The following ADAMTSL3 variants were observed in gnomAD, a reference collection of about 807,000 sequenced individuals.
ADAMTSL3 encodes ADAMTS-like protein 3.
Under a neutral mutation model 201.7 loss-of-function variants are expected in ADAMTSL3, and 128 were observed. The observed-to-expected ratio is 0.63, with a 90% CI of 0.55 to 0.73. ADAMTSL3 has a LOEUF of 0.73. Ranked by LOEUF, ADAMTSL3 falls within the 30% of genes least tolerant of loss-of-function variation. The pLI, the probability that ADAMTSL3 is intolerant of heterozygous loss-of-function variation, is 0.00. For missense variants in ADAMTSL3, 1,990 were observed against 2,119.6 expected, an observed-to-expected ratio of 0.94 and a Z score of 1.20; for synonymous variants, 738 against 748.4, an observed-to-expected ratio of 0.99 and a Z score of 0.23.
chr15:83,746,908 A>G (rs1002285979), intron 3 of ADAMTSL3, among the ~76,000 whole-genome samples: 3 of 152,232 alleles, frequency 2.0e-5, no homozygotes, highest in Non-Finnish European at 2.9e-5. Flanking sequence ...GATGGAATAA[A>G]TACTTTTCAG....
chr15:83,992,046 G>C (rs770828841), intron 23 of ADAMTSL3, among the ~76,000 whole-genome samples: 1 of 152,096 alleles, frequency 6.6e-6, no homozygotes, highest in East Asian at 1.9e-4. Flanking sequence ...ATGACTTTGC[G>C]TATGCCTTTG....
intron 7 of ADAMTSL3, among the ~76,000 whole-genome samples, chr15:83,852,820 A>G (rs553777329): frequency 9.2e-5 from 14 of 152,064 alleles, no homozygotes; most frequent in Middle Eastern, 3.4e-3. Flanking sequence ...TTATATCTTG[A>G]GAGAGAGAGA....
chr15:83,705,395 C>A (rs557067231), intron 3 of ADAMTSL3, among the ~76,000 whole-genome samples: 22 of 152,222 alleles, frequency 1.4e-4, no homozygotes, highest in African/African-American at 4.8e-4. Context: ...CTCTCCTCAG[C>A]TGTATAGCCA....
chr15:83,790,028 T>C (rs527903471), intron 4 of ADAMTSL3, among the ~76,000 whole-genome samples: 1 of 152,026 alleles, frequency 6.6e-6, no homozygotes, highest in African/African-American at 2.4e-5. Flanking sequence ...TCAAAAGATA[T>C]CCTTAATATG....
chr15:83,664,660 C>T (rs17587205), intron 2 of ADAMTSL3, among the ~76,000 whole-genome samples: 10,504 of 152,212 alleles, frequency 0.069, 572 homozygotes, highest in East Asian at 0.17. Flanking sequence ...GACATGGCAG[C>T]GTGGAGTATG....
At chr15:83,895,439 A>T (rs12914343) in intron 13 of ADAMTSL3, among the ~76,000 whole-genome samples, 1 of 152,078 alleles carries the variant, frequency 6.6e-6, no homozygotes, top group Non-Finnish European at 1.5e-5. Context: ...TGACTTTATC[A>T]TTATGTATAT....
chr15:83,935,313 C>T (rs566482832), intron 17 of ADAMTSL3, among the ~76,000 whole-genome samples: 4 of 152,200 alleles, frequency 2.6e-5, no homozygotes, highest in South Asian at 4.1e-4. Context: ...TGTAGATAAG[C>T]GTCTGTCATT....
At chr15:83,816,466 G>A (rs966763895) in intron 5 of ADAMTSL3, among the ~76,000 whole-genome samples, 2 of 152,156 alleles carry the variant, frequency 1.3e-5, no homozygotes, top group African/African-American at 2.4e-5. Flanking sequence ...AACTTCATTG[G>A]TTTATGTTTA....
At chr15:83,953,750 T>C (rs1000375949) in intron 19 of ADAMTSL3, among the ~76,000 whole-genome samples, 3 of 152,214 alleles carry the variant, frequency 2.0e-5, no homozygotes, top group African/African-American at 7.2e-5. Context: ...CAGCTTTTGT[T>C]TGTCTGGGAA....
intron 17 of ADAMTSL3, among the ~76,000 whole-genome samples, chr15:83,929,631 C>A (rs2066314517): frequency 6.6e-6 from 1 of 151,892 alleles, no homozygotes; most frequent in Non-Finnish European, 1.5e-5. Flanking sequence ...ATATAAATGC[C>A]TTTGTGACCC....
intron 17 of ADAMTSL3, among the ~76,000 whole-genome samples, chr15:83,926,307 A>G (rs1363355797): frequency 2.6e-5 from 4 of 152,178 alleles, no homozygotes; most frequent in African/African-American, 9.6e-5. Flanking sequence ...ATCAGATGAG[A>G]TAGGAATGGG....
intron 2 of ADAMTSL3, among the ~76,000 whole-genome samples, chr15:83,673,609 T>A (rs936736381): frequency 4.6e-5 from 7 of 152,160 alleles, no homozygotes; most frequent in Non-Finnish European, 8.8e-5. Context: ...TGTTAACAGT[T>A]TTTTTTCCAC....
At chr15:83,966,726 A>C (rs902285053) in intron 19 of ADAMTSL3, among the ~76,000 whole-genome samples, 3 of 152,152 alleles carry the variant, frequency 2.0e-5, no homozygotes, top group Admixed American at 6.5e-5. Context: ...AACACAACAA[A>C]AAAAAAGAAA....
intron 23 of ADAMTSL3, among the ~76,000 whole-genome samples, chr15:84,010,813 A>G (rs2067994169): frequency 6.6e-6 from 1 of 152,206 alleles, no homozygotes; most frequent in African/African-American, 2.4e-5. Flanking sequence ...TCAAAAAACA[A>G]GGCACTATAC....
chr15:83,877,178 G>A lies in ADAMTSL3; in HGVS notation c.960+6219G>A, dbSNP rs533281945. ...TGGTCTCAAACTCCTGAGCTCAAGC[G>A]ATTCTCCCACCTTGGTCTCCCAAAG... On this transcript the variant is annotated intron_variant, in intron 9 of 29. Coordinates refer to ENST00000286744, the MANE Select transcript of ADAMTSL3 (RefSeq NM_207517.3). Among the ~76,000 whole-genome samples, 17 of 152,222 alleles carry A rather than the reference G, an allele frequency of 1.1e-4. 1 individual carries two copies. The South Asian group carries it at 3.3e-3, about 30-fold the overall frequency.
At chr15:83,715,909 A>T (rs897169844) in intron 3 of ADAMTSL3, among the ~76,000 whole-genome samples, 1 of 152,166 alleles carries the variant, frequency 6.6e-6, no homozygotes, top group East Asian at 1.9e-4. Context: ...GTTTTCTGCG[A>T]TGTCCAGCTT....
intron 15 of ADAMTSL3, among the ~76,000 whole-genome samples, chr15:83,907,408 T>C (rs2065860056): frequency 6.6e-6 from 1 of 152,174 alleles, no homozygotes; most frequent in South Asian, 2.1e-4. Flanking sequence ...TTGTTGTTGA[T>C]GATTTTTCAC....
At chr15:83,738,343 C>T (rs1028180889) in intron 3 of ADAMTSL3, among the ~76,000 whole-genome samples, 1 of 152,094 alleles carries the variant, frequency 6.6e-6, no homozygotes, top group Non-Finnish European at 1.5e-5. Flanking sequence ...TCTTGGGTCT[C>T]CTTTTAGAGA....
chr15:83,953,559 T>C (rs2066795516), intron 19 of ADAMTSL3, among the ~76,000 whole-genome samples: 1 of 152,184 alleles, frequency 6.6e-6, no homozygotes, highest in African/African-American at 2.4e-5. Context: ...CTACTTAAGA[T>C]TAGTTTTGAC....
Sources: allele counts gnomAD v4.1 joint callset (sites outside exome capture counted in the v4.1 genomes callset), GRCh38; gene constraint gnomAD v4.1.1; transcripts MANE v1.5; gene names NCBI Gene and HGNC (gene_info 2026-07-23, HGNC 2026-07-21).